The following GTF2A1L variants were observed in gnomAD, a reference collection of about 807,000 sequenced individuals.
The protein encoded by GTF2A1L is general transcription factor IIA subunit 1 like.
GTF2A1L carries 48 observed loss-of-function variants against 49.7 expected under a neutral mutation model. That is an observed-to-expected ratio of 0.97 (90% CI 0.77 to 1.23). The LOEUF (loss-of-function observed/expected upper bound fraction) is 1.23. Among genes scored for constraint, GTF2A1L ranks in the 50% most tolerant of loss-of-function variants. GTF2A1L has a pLI of 0.00. For missense variants in GTF2A1L, 736 were observed against 564.8 expected, an observed-to-expected ratio of 1.30 and a Z score of -3.07; for synonymous variants, 246 against 193.5, an observed-to-expected ratio of 1.27 and a Z score of -2.25.
intron 7 of GTF2A1L, among the ~76,000 whole-genome samples, chr2:48,670,816 C>T (rs184473452): frequency 3.2e-4 from 49 of 151,908 alleles, no homozygotes; most frequent in African/African-American, 1.1e-3. Flanking sequence ...AATGGCCAAA[C>T]GGGATTTATT....
intron 6 of GTF2A1L, among the ~76,000 whole-genome samples, chr2:48,651,251 C>G (rs1244120941): frequency 1.3e-5 from 2 of 152,132 alleles, no homozygotes; most frequent in East Asian, 1.9e-4. Flanking sequence ...TGTCAGATGA[C>G]ATCATCTGCA....
At chr2:48,644,907 A>G (rs371297900) in intron 4 of GTF2A1L, 126 bp from the exon 5 acceptor site, 4 of 752,542 alleles carry the variant, frequency 5.3e-6, no homozygotes, top group East Asian at 2.9e-5. Flanking sequence ...CAGCCCTAAT[A>G]TTAAATGTTA....
chr2:48,660,281 T>C (rs1678416198), intron 6 of GTF2A1L, among the ~76,000 whole-genome samples: 2 of 152,198 alleles, frequency 1.3e-5, no homozygotes, highest in Non-Finnish European at 2.9e-5. Context: ...ATCAGGGTAA[T>C]GCTGGCCTCA....
At chr2:48,657,867 A>AT (rs1463992929) in intron 6 of GTF2A1L, among the ~76,000 whole-genome samples, 1 of 151,774 alleles carries the variant, frequency 6.6e-6, no homozygotes, top group African/African-American at 2.4e-5. Flanking sequence ...GATGTGGAAC[A>AT]TTTTTTCATA....
intron 6 of GTF2A1L, among the ~76,000 whole-genome samples, chr2:48,666,307 G>A (rs1017058474): frequency 1.6e-4 from 25 of 151,862 alleles, no homozygotes; most frequent in African/African-American, 6.0e-4. Flanking sequence ...CCAGGTTCAA[G>A]CATTTCACCT....
At chr2:48,667,220 A>G (rs1004074532) in intron 6 of GTF2A1L, among the ~76,000 whole-genome samples, 3 of 152,044 alleles carry the variant, frequency 2.0e-5, no homozygotes, top group African/African-American at 7.2e-5. Flanking sequence ...CAGTGTCCCA[A>G]AGTGCTGGGA....
chr2:48,625,995 T>G (rs1676271368), intron 3 of GTF2A1L, among the ~76,000 whole-genome samples: 1 of 144,494 alleles, frequency 6.9e-6, no homozygotes, highest in Non-Finnish European at 1.6e-5. Flanking sequence ...GTTTTATGGT[T>G]TAAGGTCTTA....
chr2:48,624,463 GA>G (rs1676191537), intron 3 of GTF2A1L, among the ~76,000 whole-genome samples: 13 of 24,688 alleles, frequency 5.3e-4, no homozygotes, highest in African/African-American at 1.0e-3. Context: ...CTTTGATATA[GA>G]TAGATAGATA....
chr2:48,643,989 G>A (rs1238227419), intron 4 of GTF2A1L, among the ~76,000 whole-genome samples: 3 of 151,968 alleles, frequency 2.0e-5, no homozygotes, highest in Non-Finnish European at 4.4e-5. Context: ...GTGAGCCACC[G>A]TGCCCGGCCT....
chr2:48,623,247 A>G (rs756253645), intron 3 of GTF2A1L, among the ~76,000 whole-genome samples: 5 of 152,336 alleles, frequency 3.3e-5, no homozygotes, highest in Non-Finnish European at 7.3e-5. Context: ...CCTGATTAAA[A>G]TAACTTAAAC....
At chr2:48,638,684 C>A (rs570821802) in intron 3 of GTF2A1L, among the ~76,000 whole-genome samples, 20 of 152,220 alleles carry the variant, frequency 1.3e-4, no homozygotes, top group African/African-American at 4.6e-4. Flanking sequence ...TGCCCTCTCT[C>A]ACCACTCCTA....
intron 6 of GTF2A1L, among the ~76,000 whole-genome samples, chr2:48,651,167 G>A (rs572382076): frequency 2.2e-4 from 34 of 152,088 alleles, no homozygotes; most frequent in Admixed American, 8.5e-4. Flanking sequence ...CCTTGGTTAA[G>A]CTGAGAATAT....
At chr2:48,678,752 A>G (rs1679604629) in intron 8 of GTF2A1L, among the ~76,000 whole-genome samples, 1 of 152,024 alleles carries the variant, frequency 6.6e-6, no homozygotes, top group African/African-American at 2.4e-5. Context: ...CTTCCTCATG[A>G]TGAAGTATCA....
In GTF2A1L at chr2:48,620,844, T is replaced by A. The variant is rs768231292; in HGVS notation, c.22-7T>A. ...AAAATGAAACTTTAACAATTGCTTT[T>A]ATGTAGCCTAAACTCTACAGATCTG... On this transcript the variant is annotated splice_polypyrimidine_tract_variant and splice_region_variant and intron_variant, in intron 1 of 8. Transcript: ENST00000403751. 5.8e-6 allele frequency: 8 copies of A among 1,379,602 alleles called. No individual in the cohort carries two copies. Among genetic ancestry groups the A allele is most frequent in the Non-Finnish European group, 7.5e-6 (8 of 1,064,054 alleles). The allele number at this position is 1,379,602 out of a possible 1,614,324, so 85.5% of individuals were successfully genotyped here.
chr2:48,635,423 G>T (rs1418958876), intron 3 of GTF2A1L, among the ~76,000 whole-genome samples: 1 of 152,012 alleles, frequency 6.6e-6, no homozygotes, highest in Non-Finnish European at 1.5e-5. Flanking sequence ...TGCCCTGAAT[G>T]CCTGGATTTC....
At chr2:48,672,175 G>C (rs1489203609) in intron 8 of GTF2A1L, among the ~76,000 whole-genome samples, 1 of 152,200 alleles carries the variant, frequency 6.6e-6, no homozygotes, top group South Asian at 2.1e-4. Context: ...TGAATGACTT[G>C]TAGGATACAG....
Position 48,646,647 on chromosome 2 carries a change from C to T in GTF2A1L, c.583C>T (p.Gln195Ter), listed in dbSNP as rs1677526679. The T allele has an allele frequency of 6.2e-7, 1 of 1,614,136 alleles. No homozygotes were observed. The highest frequency in any genetic ancestry group is 8.5e-7 in the Non-Finnish European group (1 of 1,180,016). Residue 195 changes from glutamine (Q) to a stop codon, truncating the protein, a stop_gained, in exon 6 of 9, where the codon CAG (glutamine) becomes TAG (stop). Coordinates refer to ENST00000403751, the MANE Select transcript of GTF2A1L (RefSeq NM_006872.5). LOFTEE classifies it high-confidence loss of function. Reference sequence around the variant, plus strand: ...ATCACAGAGAATTGAAACCGTGCTACAGCAACCCGCAATTCTACCTTCTGG... The same window carrying T: ...ATCACAGAGAATTGAAACCGTGCTATAGCAACCCGCAATTCTACCTTCTGG... ...EKSQRIETVL[Q>*]QPAILPSGPV... is the part of the protein sequence containing the mutation.
At chr2:48,630,004 G>C (rs1676488684) in intron 3 of GTF2A1L, among the ~76,000 whole-genome samples, 1 of 144,234 alleles carries the variant, frequency 6.9e-6, no homozygotes, top group Admixed American at 7.0e-5. Context: ...TTGCTATGCT[G>C]TTTGGTTACT....
In GTF2A1L at chr2:48,622,467, G is replaced by GTTTTC. The variant is rs372708480; in HGVS notation, c.247+1179_247+1180insTTCTT. Reference sequence around the variant, plus strand: ...TTAAATAACATTCCTTTGGAGTTTTGTTAATCACTGTTTTATTTATTACAG... The same window carrying GTTTTC: ...TTAAATAACATTCCTTTGGAGTTTTGTTTTCTTAATCACTGTTTTATTTATTACAG... On this transcript the variant is annotated intron_variant, in intron 3 of 8. Transcript: ENST00000403751. Among the ~76,000 whole-genome samples the GTTTTC allele has an allele frequency of 9.5e-3, 1,446 of 152,112 alleles. 17 individuals carry two copies. The highest frequency in any genetic ancestry group is 0.033 in the African/African-American group (1,378 of 41,474).
Sources: allele counts gnomAD v4.1 joint callset (sites outside exome capture counted in the v4.1 genomes callset), GRCh38; gene constraint gnomAD v4.1.1; transcripts MANE v1.5; gene names NCBI Gene and HGNC (gene_info 2026-07-23, HGNC 2026-07-21).